The following ACBD6 variants were observed in gnomAD, a reference collection of about 807,000 sequenced individuals.
The protein encoded by ACBD6 is acyl-CoA binding domain containing 6, also known as acyl-CoA-binding domain-containing protein 6.
A neutral mutation model predicts 37.2 loss-of-function variants in ACBD6; 28 were observed. The ratio of observed to expected loss-of-function variants is 0.75; its 90% CI spans 0.56 to 1.03. The LOEUF is 1.03. ACBD6 is among the 50% of genes least tolerant of loss of function. The pLI is 0.00. For synonymous variants in ACBD6, 113 were observed against 126.8 expected (o/e 0.89, Z 0.73); for missense variants, 340 against 337.4 (o/e 1.01, Z -0.06).
intron 6 of ACBD6, among the ~76,000 whole-genome samples, chr1:180,331,486 A>C (rs1349240218): frequency 1.3e-5 from 2 of 152,186 alleles, no homozygotes; most frequent in African/African-American, 4.8e-5. Context: ...TGGGGATATC[A>C]TAGGACTTTG....
chr1:180,313,009 T>C (rs1650652905), intron 7 of ACBD6, among the ~76,000 whole-genome samples: 1 of 152,236 alleles, frequency 6.6e-6, no homozygotes, highest in Non-Finnish European at 1.5e-5. Context: ...AAATGCTTTT[T>C]TCTGCATTTG....
intron 6 of ACBD6, among the ~76,000 whole-genome samples, chr1:180,366,161 T>G (rs1653047054): frequency 6.6e-6 from 1 of 152,202 alleles, no homozygotes; most frequent in African/African-American, 2.4e-5. Context: ...AGCCACCAGT[T>G]CAACATTCAA....
At chr1:180,455,364 C>A (rs1279540416) in intron 3 of ACBD6, among the ~76,000 whole-genome samples, 1 of 151,670 alleles carries the variant, frequency 6.6e-6, no homozygotes, top group Non-Finnish European at 1.5e-5. Flanking sequence ...CACACCAGGG[C>A]CTATCGGGGG....
intron 6 of ACBD6, among the ~76,000 whole-genome samples, chr1:180,381,026 A>G (rs1224530241): frequency 6.6e-6 from 1 of 152,162 alleles, no homozygotes; most frequent in Non-Finnish European, 1.5e-5. Context: ...GATGAAAAAG[A>G]TATTCCATGC....
chr1:180,496,168 GTAGT>G (rs1009717224), intron 1 of ACBD6, among the ~76,000 whole-genome samples: 2 of 152,042 alleles, frequency 1.3e-5, no homozygotes, highest in Non-Finnish European at 1.5e-5. Flanking sequence ...ACCGACATTT[GTAGT>G]TAAACTGCAC....
At chr1:180,476,101 G>A (rs1650770519) in intron 3 of ACBD6, among the ~76,000 whole-genome samples, 2 of 152,156 alleles carry the variant, frequency 1.3e-5, no homozygotes, top group South Asian at 4.1e-4. Flanking sequence ...TCTGAATCTG[G>A]TTCCAATGCA....
At chr1:180,500,409 T>C (rs1306592834) in intron 1 of ACBD6, among the ~76,000 whole-genome samples, 2 of 152,070 alleles carry the variant, frequency 1.3e-5, no homozygotes, top group Admixed American at 6.5e-5. Context: ...AAAGCAAATG[T>C]TGGCGGGGCG....
At position 180,427,529 on chromosome 1, in the gene ACBD6, G is replaced by T. The variant is rs566181328; in HGVS notation, c.467+2651C>A. Among the ~76,000 whole-genome samples the T allele has an allele frequency of 4.6e-5, 7 of 152,280 alleles. No individual in the cohort carries two copies. The East Asian group carries it at 1.4e-3, about 29-fold the overall frequency. On this transcript the variant is annotated intron_variant, in intron 4 of 7. Coordinates refer to ENST00000367595, the MANE Select transcript of ACBD6 (RefSeq NM_032360.4). ...GCATAATTTGATTACATAACTTCAA[G>T]AAATAACCCATTTTCATTGTTGCAA...
At position 180,290,846 on chromosome 1, in the gene ACBD6, G is replaced by T. The variant is rs578108059; in HGVS notation, c.695-2329C>A. On this transcript the variant is annotated intron_variant, in intron 7 of 7. Coordinates refer to ENST00000367595, the MANE Select transcript of ACBD6 (RefSeq NM_032360.4). ...GAGTTGAAAGTACAGAGGTTGGATT[G>T]AAGTCAAGTTATCTAGGGCCTTGAA... Among the ~76,000 whole-genome samples, 13 of 152,336 alleles carry T rather than the reference G, an allele frequency of 8.5e-5. No homozygotes were observed. In the South Asian group the frequency reaches 2.5e-3, roughly 29 times the overall value.
At chr1:180,339,552 G>C (rs1408132030) in intron 6 of ACBD6, among the ~76,000 whole-genome samples, 1 of 152,140 alleles carries the variant, frequency 6.6e-6, no homozygotes, top group Non-Finnish European at 1.5e-5. Flanking sequence ...GAGGGAGGGA[G>C]GGATAGCGTT....
At chr1:180,373,499 A>G (rs978321636) in intron 6 of ACBD6, among the ~76,000 whole-genome samples, 2 of 152,252 alleles carry the variant, frequency 1.3e-5, no homozygotes, top group African/African-American at 4.8e-5. Context: ...ATGCAGACAA[A>G]TAGAATGTCA....
At chr1:180,317,413 T>G (rs1451717878) in intron 6 of ACBD6, among the ~76,000 whole-genome samples, 6 of 152,330 alleles carry the variant, frequency 3.9e-5, no homozygotes, top group Non-Finnish European at 8.8e-5. Context: ...GGAAAAGTTC[T>G]GGAGATGAAC....
intron 9 of ACBD6, among the ~76,000 whole-genome samples, chr1:180,279,356 G>C (rs1378562045): frequency 6.6e-6 from 1 of 152,116 alleles, no homozygotes; most frequent in Non-Finnish European, 1.5e-5. Flanking sequence ...GAGTGCAGTG[G>C]TGTGATCTCA....
chr1:180,285,255 A>T (rs1453800401), downstream of ACBD6, among the ~76,000 whole-genome samples: 1 of 152,222 alleles, frequency 6.6e-6, no homozygotes, highest in Non-Finnish European at 1.5e-5. Flanking sequence ...TGGCAACTGA[A>T]CTACGATATG....
At chr1:180,394,057 A>G (rs1313302516) in intron 6 of ACBD6, among the ~76,000 whole-genome samples, 1 of 152,174 alleles carries the variant, frequency 6.6e-6, no homozygotes, top group African/African-American at 2.4e-5. Flanking sequence ...ATTTCCATAT[A>G]CAATACCTCC....
intron 6 of ACBD6, among the ~76,000 whole-genome samples, chr1:180,357,241 T>G (rs1293978213): frequency 6.6e-6 from 1 of 152,204 alleles, no homozygotes; most frequent in Non-Finnish European, 1.5e-5. Context: ...TAGGTAATAG[T>G]AGCTATATTT....
At position 180,273,957 on chromosome 1, in the gene ACBD6, T is replaced by C. The variant is rs1311012529; in HGVS notation, c.*1092A>G. On this transcript the variant is annotated 3_prime_UTR_variant, in exon 11 of 14. Coordinates refer to the ACBD6 transcript ENST00000642319. ...CTCACCAAACATTTGTCCATCCTTC[T>C]GGGACCTGGGAATTTAGTCTTTGCA... is the stretch of plus-strand genomic sequence containing the variant. 8 of 578,668 alleles carry C rather than the reference T, an allele frequency of 1.4e-5. No individual in the cohort carries two copies. In the East Asian group the frequency reaches 2.4e-4, roughly 17 times the overall value. The allele number at this position is 578,668 out of a possible 1,614,324, so 35.8% of individuals were successfully genotyped here.
intron 5 of ACBD6, among the ~76,000 whole-genome samples, chr1:180,407,602 T>C (rs1198087698): frequency 6.6e-6 from 1 of 152,208 alleles, no homozygotes; most frequent in Non-Finnish European, 1.5e-5. Flanking sequence ...CAACTGCTTA[T>C]CCTTCTTTTT....
chr1:180,348,986 C>T (rs1247315882), intron 6 of ACBD6, among the ~76,000 whole-genome samples: 2 of 151,900 alleles, frequency 1.3e-5, no homozygotes, highest in African/African-American at 2.4e-5. Context: ...AGAATATTAC[C>T]CTTTTCACTA....
Sources: allele counts gnomAD v4.1 joint callset (sites outside exome capture counted in the v4.1 genomes callset), GRCh38; gene constraint gnomAD v4.1.1; transcripts MANE v1.5; gene names NCBI Gene and HGNC (gene_info 2026-07-23, HGNC 2026-07-21).